FBXW8: variants seen among roughly 807,000 people sequenced by gnomAD.
The protein encoded by FBXW8 is F-box/WD repeat-containing protein 8.
In FBXW8, 57 loss-of-function variants were observed where a neutral mutation model predicts 65.3. The observed-to-expected ratio is 0.87, with a 90% confidence interval of 0.71 to 1.09. The LOEUF is 1.09. Among genes scored for constraint, FBXW8 ranks in the 50% least tolerant of loss-of-function variants. The pLI is 0.00. For missense variants in FBXW8, 777 were observed against 814.8 expected (o/e 0.95, Z 0.57); for synonymous variants, 308 against 330.2 (o/e 0.93, Z 0.73).
intron 8 of FBXW8, 140 bp from the exon 9 acceptor site, chr12:117,024,007 T>C (rs1954162495): frequency 1.3e-5 from 10 of 798,082 alleles, no homozygotes; most frequent in Non-Finnish European, 1.7e-5. Context: ...TTGATGTCCT[T>C]ATTATCGATG....
chr12:116,912,762 C>T, intron 1 of FBXW8, among the ~76,000 whole-genome samples: 1 of 152,114 alleles, frequency 6.6e-6, no homozygotes, highest in East Asian at 1.9e-4. Context: ...CGCGCCCGGC[C>T]GAGAATAATT....
intron 3 of FBXW8, 52 bp from the exon 4 acceptor site, chr12:116,949,566 T>G: frequency 1.3e-6 from 2 of 1,539,056 alleles, no homozygotes; most frequent in East Asian, 2.2e-5. Context: ...ATGCTTGGCT[T>G]TCGGGCTGTC....
intron 2 of FBXW8, among the ~76,000 whole-genome samples, chr12:116,942,979 G>A (rs191387777): frequency 1.1e-4 from 17 of 151,694 alleles, no homozygotes; most frequent in African/African-American, 3.4e-4. Flanking sequence ...GGGTTTCATC[G>A]TGTTAACCAG....
Position 117,028,133 on chromosome 12 carries a change from C to T in FBXW8, c.1758C>T (p.Tyr586=). 1 of 1,614,208 alleles carries T rather than the reference C, an allele frequency of 6.2e-7. No individual in the cohort carries two copies. Residue 586 remains tyrosine, a synonymous_variant, in exon 11 of 11, where the codon TAC becomes TAT. Transcript: ENST00000652555. The surrounding 1 kb of genome is among the most constrained non-coding windows in gnomAD (Gnocchi z 4.1). ...RSSCDAMATH[Y]YDLALAFPYN... The stretch of plus-strand genomic sequence containing the variant: ...CCTGTGACGCCATGGCCACTCACTA[C>T]TACGACCTCGCACTGGCCTTTCCCT...
At chr12:116,945,844 C>T (rs907900675) in intron 3 of FBXW8, among the ~76,000 whole-genome samples, 1 of 152,132 alleles carries the variant, frequency 6.6e-6, no homozygotes, top group Non-Finnish European at 1.5e-5. Context: ...TGACTTTCAC[C>T]GACTCTCTGG....
intron 7 of FBXW8, among the ~76,000 whole-genome samples, chr12:117,007,630 T>C (rs1953709767): frequency 6.6e-6 from 1 of 152,354 alleles, no homozygotes; most frequent in Admixed American, 6.5e-5. Context: ...TTTTCCAGCA[T>C]ATCTGTACAC....
intron 8 of FBXW8, among the ~76,000 whole-genome samples, chr12:117,015,128 A>G (rs533496644): frequency 6.6e-6 from 1 of 152,188 alleles, no homozygotes; most frequent in Non-Finnish European, 1.5e-5. Context: ...TGGAGTTTCT[A>G]TTGGAGTTCT....
chr12:117,005,084 G>A (rs1411433820), intron 7 of FBXW8, among the ~76,000 whole-genome samples: 1 of 152,200 alleles, frequency 6.6e-6, no homozygotes, highest in African/African-American at 2.4e-5. Context: ...GGATGTAGTT[G>A]GGGCACTCTG....
intron 7 of FBXW8, among the ~76,000 whole-genome samples, chr12:116,993,954 A>G (rs954054293): frequency 6.6e-6 from 1 of 152,218 alleles, no homozygotes; most frequent in African/African-American, 2.4e-5. Flanking sequence ...GTGGTTATCC[A>G]ATTTTCCCAG....
chr12:117,016,492 A>ATT (rs74607391), intron 8 of FBXW8, among the ~76,000 whole-genome samples: 1 of 151,928 alleles, frequency 6.6e-6, no homozygotes, highest in Non-Finnish European at 1.5e-5. Context: ...TTATTAGAGT[A>ATT]TTTTTTTAAT....
At chr12:116,971,711 G>C (rs367636944) in intron 5 of FBXW8, among the ~76,000 whole-genome samples, 1 of 151,982 alleles carries the variant, frequency 6.6e-6, no homozygotes, top group East Asian at 1.9e-4. Flanking sequence ...CTGTGCTTTT[G>C]TTTTTATGGT....
intron 8 of FBXW8, among the ~76,000 whole-genome samples, chr12:117,023,946 C>G (rs1420790913): frequency 6.6e-6 from 1 of 152,256 alleles, no homozygotes; most frequent in African/African-American, 2.4e-5. Context: ...GCTCCATGTG[C>G]TTTTAAACCA....
chr12:116,937,885 G>A (rs2137328449), intron 2 of FBXW8, among the ~76,000 whole-genome samples: 1 of 151,878 alleles, frequency 6.6e-6, no homozygotes, highest in Middle Eastern at 3.4e-3. Flanking sequence ...ATTCACAGTG[G>A]TGCTATAAAG....
chr12:116,914,157 T>A (rs543837407), intron 1 of FBXW8, among the ~76,000 whole-genome samples: 1 of 152,218 alleles, frequency 6.6e-6, no homozygotes, highest in African/African-American at 2.4e-5. Context: ...CCTTTAGTTC[T>A]AGCTACTTGG....
At chr12:116,935,591 G>A (rs997447039) in intron 2 of FBXW8, among the ~76,000 whole-genome samples, 14 of 152,120 alleles carry the variant, frequency 9.2e-5, no homozygotes, top group African/African-American at 2.9e-4. Flanking sequence ...GATTGTTTTG[G>A]CTGCCTCCTT....
intron 1 of FBXW8, among the ~76,000 whole-genome samples, chr12:116,926,585 C>T (rs370691126): frequency 4.6e-5 from 7 of 152,258 alleles, no homozygotes; most frequent in African/African-American, 1.7e-4. Context: ...AAACCAATGA[C>T]TTTCCATTAT....
intron 1 of FBXW8, among the ~76,000 whole-genome samples, chr12:116,915,579 AC>A (rs574206658): frequency 1.4e-3 from 188 of 132,494 alleles, no homozygotes; most frequent in Middle Eastern, 8.6e-3. Context: ...CTTCTCTTCC[AC>A]CCAGGGGTAA....
intron 7 of FBXW8, among the ~76,000 whole-genome samples, chr12:116,995,132 A>T (rs1222825750): frequency 6.6e-6 from 1 of 152,230 alleles, no homozygotes; most frequent in African/African-American, 2.4e-5. Context: ...ACTAGAACAC[A>T]TGACTTCATC....
chr12:116,997,645 G>A (rs950265366), intron 7 of FBXW8, among the ~76,000 whole-genome samples: 2 of 152,148 alleles, frequency 1.3e-5, no homozygotes, highest in Non-Finnish European at 2.9e-5. Context: ...GAGGCAGCAG[G>A]GCCTGTGGAA....
Sources: allele counts gnomAD v4.1 joint callset (sites outside exome capture counted in the v4.1 genomes callset), GRCh38; gene constraint gnomAD v4.1.1; non-coding constraint Gnocchi (gnomAD v3.1); transcripts MANE v1.5; gene names NCBI Gene and HGNC (gene_info 2026-07-23, HGNC 2026-07-21).